SNCAIP: variants seen among roughly 807,000 people sequenced by gnomAD.
SNCAIP encodes the protein synphilin-1.
A neutral mutation model predicts 86.7 loss-of-function variants in SNCAIP; 43 were observed. The observed-to-expected ratio is 0.50, with a 90% CI of 0.39 to 0.64. The LOEUF is 0.64. Ranked by LOEUF, SNCAIP falls within the 30% of genes least tolerant of loss-of-function variation. The pLI is 0.00. For missense variants in SNCAIP, 981 were observed against 1,103.1 expected (o/e 0.89, Z 1.57); for synonymous variants, 417 against 427.2 (o/e 0.98, Z 0.29).
Position 122,423,708 on chromosome 5 carries a change from A to C in SNCAIP, c.971A>C (p.Asn324Thr). ...CTGAAAAAAGTGAAAAGCATCTTGA[A>C]CATTGTTAAAGAAGGACAGATCTCT... Reference protein sequence around the residue: ...EYLKKVKSILNIVKEGQISLL... With the variant: ...EYLKKVKSILTIVKEGQISLL... The change falls in exon 4 of 11, where the codon AAC (asparagine) becomes ACC (threonine). Residue 324 changes from asparagine (N) to threonine (T), a missense_variant. Physicochemically the swap from Asn to Thr is moderately conservative, Grantham distance 65. Transcript: ENST00000261368. 6.2e-7 allele frequency: 1 copy of C among 1,603,098 alleles called. No individual in the cohort carries two copies.
At chr5:122,409,050 G>A (rs962036275) in intron 3 of SNCAIP, among the ~76,000 whole-genome samples, 1 of 151,896 alleles carries the variant, frequency 6.6e-6, no homozygotes, top group African/African-American at 2.4e-5. Flanking sequence ...GTAGCAACTA[G>A]TTTGGGACAA....
rs10528513 is a variant in SNCAIP at position 122,359,349 on chromosome 5, TTTTATTTA to T, written c.-46-31716_-46-31709del. On this transcript the variant is annotated intron_variant, in intron 1 of 10. Coordinates refer to ENST00000261368, the MANE Select transcript of SNCAIP (RefSeq NM_005460.4). ...CTGAGTAAAAACATGAGATTTTTATTTTTATTTATTTATTTATTTATTTATTTATTTTG... is the reference window on the plus strand; with the variant it reads ...CTGAGTAAAAACATGAGATTTTTATTTTTATTTATTTATTTATTTATTTTG... 8.7e-4 allele frequency among the ~76,000 whole-genome samples: 124 copies of T among 142,238 alleles called. 2 individuals carry two copies. Among genetic ancestry groups the T allele is most frequent in the African/African-American group, 3.0e-3 (115 of 38,568 alleles). The allele number at this position is 142,238 out of a possible 152,430, so 93.3% of individuals were successfully genotyped here. A position where few individuals can be genotyped will look rare whatever the true frequency, so the allele number is the denominator to read the frequency against.
At chr5:122,369,089 G>T (rs576563172) in intron 1 of SNCAIP, among the ~76,000 whole-genome samples, 129 of 152,290 alleles carry the variant, frequency 8.5e-4, no homozygotes, top group African/African-American at 3.0e-3. Flanking sequence ...GCTCCACACT[G>T]ATCTTCATTA....
intron 1 of SNCAIP, among the ~76,000 whole-genome samples, chr5:122,322,708 G>T (rs1580762866): frequency 6.6e-6 from 1 of 152,332 alleles, no homozygotes; most frequent in South Asian, 2.1e-4. Context: ...GTTTGAGGGT[G>T]AGGTAGCTTG....
intron 2 of SNCAIP, chr5:122,400,973 C>A: frequency 6.5e-7 from 1 of 1,544,774 alleles, no homozygotes; most frequent in Non-Finnish European, 8.7e-7. Context: ...CCTCTTCACT[C>A]TTCTCACCCA....
chr5:122,422,703 A>G lies in SNCAIP; in HGVS notation c.131-165A>G, dbSNP rs1035925887. On this transcript the variant is annotated intron_variant, in intron 3 of 10. Coordinates refer to ENST00000261368, the MANE Select transcript of SNCAIP (RefSeq NM_005460.4). ...TTCTTTGATCATTCACTGTTTTCCA[A>G]TGGTAAGTATGATTTTTTTTGTTCT... Among the ~76,000 whole-genome samples, 3 of 151,926 alleles carry G rather than the reference A, an allele frequency of 2.0e-5. No homozygotes were observed. Among genetic ancestry groups the G allele is most frequent in the African/African-American group, 7.3e-5 (3 of 41,266 alleles).
chr5:122,448,324 A>G (rs900844158), intron 8 of SNCAIP, among the ~76,000 whole-genome samples: 2 of 151,896 alleles, frequency 1.3e-5, no homozygotes, highest in African/African-American at 4.8e-5. Flanking sequence ...TTAAAACAGC[A>G]TCAAATTTAT....
At chr5:122,453,061 T>C (rs1784035599) in intron 10 of SNCAIP, 3 of 1,001,392 alleles carry the variant, frequency 3.0e-6, no homozygotes. Flanking sequence ...CATGAGCTTT[T>C]AAATCATGGA....
intron 3 of SNCAIP, among the ~76,000 whole-genome samples, chr5:122,412,404 T>C (rs1774328761): frequency 6.6e-6 from 1 of 152,182 alleles, no homozygotes; most frequent in Non-Finnish European, 1.5e-5. Context: ...TATTCTCATC[T>C]TTCTTGACCT....
chr5:122,385,169 G>T (rs1048443329), intron 1 of SNCAIP, among the ~76,000 whole-genome samples: 1 of 152,194 alleles, frequency 6.6e-6, no homozygotes, highest in African/African-American at 2.4e-5. Flanking sequence ...AGCATCACAT[G>T]ATATTGTAAT....
At position 122,432,057 on chromosome 5, in the gene SNCAIP, T is replaced by G; in HGVS notation, c.1271T>G (p.Ile424Ser). 1 of 1,585,974 alleles carries G rather than the reference T, an allele frequency of 6.3e-7. No individual in the cohort carries two copies. Among genetic ancestry groups the G allele is most frequent in the Non-Finnish European group, 8.7e-7 (1 of 1,154,590 alleles). Residue 424 changes from isoleucine to serine, a missense_variant, in exon 6 of 11, where the codon ATT becomes AGT. Transcript: ENST00000261368. ...LSCSKDFPSL[I>S]HYAGCYGQEK... is the part of the protein sequence containing the mutation. ...TGTTCTAAGGATTTTCCAAGCCTTA[T>G]TCATTACGCAGGTTGCTATGGCCAG...
At chr5:122,397,281 T>C (rs1325969486) in intron 2 of SNCAIP, among the ~76,000 whole-genome samples, 3 of 152,126 alleles carry the variant, frequency 2.0e-5, no homozygotes, top group Non-Finnish European at 4.4e-5. Context: ...TTCAGGTAGG[T>C]CTCTTCTCCA....
intron 1 of SNCAIP, chr5:122,389,767 G>A (rs1414256928): frequency 6.6e-6 from 1 of 151,980 alleles, no homozygotes; most frequent in African/African-American, 2.4e-5. Flanking sequence ...ATCCTTTCTT[G>A]GATGGACTCT....
chr5:122,349,435 C>A (rs1403278237), intron 1 of SNCAIP, among the ~76,000 whole-genome samples: 1 of 152,168 alleles, frequency 6.6e-6, no homozygotes, highest in Non-Finnish European at 1.5e-5. Flanking sequence ...AGCTTTCCAA[C>A]TAACGAAATG....
intron 8 of SNCAIP, among the ~76,000 whole-genome samples, chr5:122,446,377 C>T (rs957187680): frequency 3.3e-5 from 5 of 152,204 alleles, no homozygotes; most frequent in African/African-American, 9.7e-5. Context: ...AAGGTTCATA[C>T]TCAGAGAAGG....
intron 1 of SNCAIP, among the ~76,000 whole-genome samples, chr5:122,317,384 A>G (rs971689288): frequency 2.0e-5 from 3 of 152,148 alleles, no homozygotes; most frequent in African/African-American, 7.2e-5. Flanking sequence ...TGGTGGCAAA[A>G]TTTTCATCTG....
intron 1 of SNCAIP, among the ~76,000 whole-genome samples, chr5:122,339,256 G>A (rs1004889489): frequency 6.6e-6 from 1 of 152,148 alleles, no homozygotes; most frequent in Admixed American, 6.5e-5. Flanking sequence ...GCTGCATGTA[G>A]CCTGTAAACC....
Position 122,423,627 on chromosome 5 carries a change from A to G in SNCAIP, c.890A>G (p.Gln297Arg). 1 of 1,613,778 alleles carries G rather than the reference A, an allele frequency of 6.2e-7. No individual in the cohort carries two copies. The highest frequency in any genetic ancestry group is 1.3e-5 in the African/African-American group (1 of 75,078). ...SSAAESKPEE[Q>R]VSGLNRTSSQ... The stretch of plus-strand genomic sequence containing the variant: ...GCAGCAGAATCCAAACCAGAAGAGC[A>G]GGTCAGTGGCCTAAACCGGACCAGC... Residue 297 changes from glutamine (Q) to arginine (R), a missense_variant, in exon 4 of 11, where the codon CAG (glutamine) becomes CGG (arginine). Gln to Arg is a conservative substitution (Grantham distance 43). Coordinates refer to ENST00000261368, the MANE Select transcript of SNCAIP (RefSeq NM_005460.4).
At chr5:122,434,174 G>T (rs535018811) in intron 6 of SNCAIP, among the ~76,000 whole-genome samples, 1 of 152,192 alleles carries the variant, frequency 6.6e-6, no homozygotes, top group East Asian at 1.9e-4. Context: ...TCAATTGTGT[G>T]AATAGTTATT....
Sources: gnomAD v4.1 joint callset for allele counts (sites outside exome capture counted in the v4.1 genomes callset) on GRCh38, gnomAD v4.1.1 for gene constraint, MANE v1.5 for transcripts, NCBI Gene and HGNC (gene_info 2026-07-23, HGNC 2026-07-21) for gene names.